The following CASZ1 variants were observed in gnomAD, a reference collection of about 807,000 sequenced individuals.
The protein encoded by CASZ1 is zinc finger protein castor homolog 1.
In CASZ1, 28 loss-of-function variants were observed where a neutral mutation model predicts 135.2. The observed-to-expected ratio is 0.21, with a 90% confidence interval of 0.15 to 0.28. CASZ1 has a LOEUF of 0.28. CASZ1 is among the 10% of genes least tolerant of loss of function. The pLI is 1.00. For synonymous variants in CASZ1, 1,068 were observed against 1,073.4 expected (o/e 0.99, Z 0.10); for missense variants, 2,161 against 2,453.3 (o/e 0.88, Z 2.52).
intron 1 of CASZ1, among the ~76,000 whole-genome samples, chr1:10,795,196 G>T (rs939343899): frequency 6.5e-4 from 98 of 150,034 alleles, no homozygotes; most frequent in African/African-American, 2.4e-3. Flanking sequence ...GGTCTGGCCC[G>T]ATCCCCCATT....
At chr1:10,792,327 GCCCC>G (rs1253094777) in intron 1 of CASZ1, among the ~76,000 whole-genome samples, 1 of 25,964 alleles carries the variant, frequency 3.9e-5, no homozygotes, top group African/African-American at 1.7e-4. Context: ...CCTCCCCCCC[GCCCC>G]CCCCCCCCCG....
chr1:10,780,144 C>A (rs923509619), intron 1 of CASZ1, among the ~76,000 whole-genome samples: 1 of 152,340 alleles, frequency 6.6e-6, no homozygotes, highest in East Asian at 1.9e-4. Flanking sequence ...AAAAGGCCCA[C>A]GACAACGCTC....
intron 4 of CASZ1, among the ~76,000 whole-genome samples, chr1:10,680,479 C>G (rs1296778391): frequency 6.6e-6 from 1 of 152,204 alleles, no homozygotes; most frequent in African/African-American, 2.4e-5. Context: ...TCCTGAGCAG[C>G]TACTGGCACT....
At chr1:10,743,893 G>A (rs528381276) in intron 2 of CASZ1, among the ~76,000 whole-genome samples, 1 of 151,746 alleles carries the variant, frequency 6.6e-6, no homozygotes, top group Admixed American at 6.6e-5. Flanking sequence ...GGGGAGCATG[G>A]GGCGGCGGGG....
At position 10,684,988 on chromosome 1, in the gene CASZ1, C is replaced by T. The variant is rs118176932; in HGVS notation, c.16+8886G>A. Among the ~76,000 whole-genome samples, 60 of 152,350 alleles carry T rather than the reference C, an allele frequency of 3.9e-4. No homozygotes were observed. In the East Asian group the frequency reaches 0.01, roughly 26 times the overall value. On this transcript the variant is annotated intron_variant, in intron 4 of 20. Transcript: ENST00000377022. ...TGGGACCTGGACCAAAGGTCGGGAG[C>T]CTCCTGGAATGGAGCTGTCTTGCCT...
intron 1 of CASZ1, among the ~76,000 whole-genome samples, chr1:10,779,445 C>CGGG (rs1197115506): frequency 6.6e-6 from 1 of 152,120 alleles, no homozygotes; most frequent in Non-Finnish European, 1.5e-5. Context: ...CAGCGCCCTG[C>CGGG]GGGGGCCGTG....
rs865957393 is a variant in CASZ1 at position 10,715,679 on chromosome 1, G to A, written c.-76-10135C>T. 8.1e-4 allele frequency among the ~76,000 whole-genome samples: 79 copies of A among 97,516 alleles called. 2 individuals carry two copies. The South Asian group carries it at 0.011, about 14-fold the overall frequency. 64.0% of individuals were successfully genotyped at this position (97,516 alleles called of 152,430 possible). A position where few individuals can be genotyped will look rare whatever the true frequency, so the allele number is the denominator to read the frequency against. On this transcript the variant is annotated intron_variant, in intron 2 of 20. Transcript: ENST00000377022. ...ATCCGCACCCCACAGCACCCAATCC[G>A]CTCCCTGCAGCACCCAATCCACACC...
chr1:10,753,165 G>T (rs141141002), intron 2 of CASZ1, among the ~76,000 whole-genome samples: 376 of 152,298 alleles, frequency 2.5e-3, no homozygotes, highest in Non-Finnish European at 4.5e-3. Flanking sequence ...AATGTACTAG[G>T]TATCCTGTAT....
At chr1:10,745,955 G>A (rs979115289) in intron 2 of CASZ1, among the ~76,000 whole-genome samples, 1 of 152,218 alleles carries the variant, frequency 6.6e-6, no homozygotes, top group African/African-American at 2.4e-5. Flanking sequence ...GCTTCCTCCC[G>A]CCCTGGGGGA....
intron 4 of CASZ1, among the ~76,000 whole-genome samples, chr1:10,689,453 G>A (rs1638697293): frequency 6.6e-6 from 1 of 152,254 alleles, no homozygotes; most frequent in Admixed American, 6.5e-5. Context: ...CCAGTAGAGA[G>A]GTCTGAGTAA....
chr1:10,658,419 G>C (rs1272975251), intron 7 of CASZ1, 89 bp downstream of exon 7: 2 of 1,077,216 alleles, frequency 1.9e-6, no homozygotes, highest in Admixed American at 1.8e-5. Flanking sequence ...GGCCCTAGAG[G>C]TCAGATATCA....
At chr1:10,748,851 T>C (rs1461865844) in intron 2 of CASZ1, among the ~76,000 whole-genome samples, 1 of 152,238 alleles carries the variant, frequency 6.6e-6, no homozygotes, top group Non-Finnish European at 1.5e-5. Context: ...AGAGCAAGCA[T>C]GGAGGTCTTC....
Position 10,660,054 on chromosome 1 carries a change from C to T in CASZ1, c.988G>A (p.Gly330Arg), listed in dbSNP as rs765288743. The T allele has an allele frequency of 3.7e-6, 6 of 1,614,030 alleles. No individual in the cohort carries two copies. The highest frequency in any genetic ancestry group is 2.2e-5 in the East Asian group (1 of 44,896). The change falls in exon 6 of 21, where the codon GGG becomes AGG. Residue 330 changes from glycine to arginine, a missense_variant. Gly to Arg is a moderately radical substitution (Grantham distance 125). Coordinates refer to ENST00000377022, the MANE Select transcript of CASZ1 (RefSeq NM_001079843.3). The stretch of plus-strand genomic sequence containing the variant: ...TTGGATGGCTTCTTGTAGGTGCTCC[C>T]GTTCTGGGGCCGCAGATTCTCGCCG... ...KTGENLRPQN[G>R]STYKKPSKYD...
chr1:10,641,484 G>T (rs1264576620), intron 20 of CASZ1, among the ~76,000 whole-genome samples: 1 of 152,222 alleles, frequency 6.6e-6, no homozygotes, highest in Non-Finnish European at 1.5e-5. Flanking sequence ...ATATGGGGGT[G>T]GGATGGGAGG....
rs12406313 is a variant in CASZ1 at position 10,700,118 on chromosome 1, G to C, written c.-24+5374C>G. Among the ~76,000 whole-genome samples the C allele has an allele frequency of 0.28, 31,473 of 114,254 alleles. 4,316 individuals are homozygous for C. The highest frequency in any genetic ancestry group is 0.39 in the Middle Eastern group (104 of 268). The allele number at this position is 114,254 out of a possible 152,430, so 75.0% of individuals were successfully genotyped here. ...ACACACACACACACACACACACACAGAGTATGAAGCAGGGACCTGGGCTAG... is the reference window on the plus strand; with the variant it reads ...ACACACACACACACACACACACACACAGTATGAAGCAGGGACCTGGGCTAG... On this transcript the variant is annotated intron_variant, in intron 3 of 20. Transcript: ENST00000377022. This position sits in a 1 kb window ranked among gnomAD's most constrained non-coding sequence, Gnocchi z 4.2.
rs1455350466 is a variant in CASZ1 at position 10,725,772 on chromosome 1, C to T, written c.-76-20228G>A. Among the ~76,000 whole-genome samples, 2 of 150,018 alleles carry T rather than the reference C, an allele frequency of 1.3e-5. No homozygotes were observed. The highest frequency in any genetic ancestry group is 4.9e-5 in the African/African-American group (2 of 40,548). On this transcript the variant is annotated intron_variant, in intron 2 of 20. Coordinates refer to ENST00000377022, the MANE Select transcript of CASZ1 (RefSeq NM_001079843.3). This position sits in a 1 kb window ranked among gnomAD's most constrained non-coding sequence, Gnocchi z 4.4. Reference sequence around the variant, plus strand: ...GAGGATGATCCTGGGGAACCCTGGACAGGTGAGTGACAAGACAGCGGCAGT... The same window carrying T: ...GAGGATGATCCTGGGGAACCCTGGATAGGTGAGTGACAAGACAGCGGCAGT...
intron 5 of CASZ1, among the ~76,000 whole-genome samples, chr1:10,662,511 C>A (rs1361037354): frequency 2.0e-5 from 3 of 152,040 alleles, no homozygotes; most frequent in African/African-American, 7.3e-5. Flanking sequence ...CACACACGGT[C>A]ACATGCACAC....
Position 10,730,414 on chromosome 1 carries a change from C to T in CASZ1, c.-76-24870G>A, listed in dbSNP as rs1175187265. Among the ~76,000 whole-genome samples the T allele has an allele frequency of 2.0e-5, 3 of 152,144 alleles. No individual in the cohort carries two copies. In the East Asian group the frequency reaches 5.8e-4, roughly 29 times the overall value. On this transcript the variant is annotated intron_variant, in intron 2 of 20. Transcript: ENST00000377022. Reference sequence around the variant, plus strand: ...AAGTCTTGACCCTCGAGTATGCATCCTTTGAATATTCGGGGAGGATGAAAG... The same window carrying T: ...AAGTCTTGACCCTCGAGTATGCATCTTTTGAATATTCGGGGAGGATGAAAG...
At chr1:10,667,550 C>T (rs1643273015) in intron 4 of CASZ1, among the ~76,000 whole-genome samples, 1 of 152,186 alleles carries the variant, frequency 6.6e-6, no homozygotes. Flanking sequence ...GACCTCGGAG[C>T]TGCCCAGCAG....
Sources: allele counts gnomAD v4.1 joint callset (sites outside exome capture counted in the v4.1 genomes callset), GRCh38; gene constraint gnomAD v4.1.1; non-coding constraint Gnocchi (gnomAD v3.1); transcripts MANE v1.5; gene names NCBI Gene and HGNC (gene_info 2026-07-23, HGNC 2026-07-21).